The following COL24A1 variants were observed in gnomAD, a reference collection of about 807,000 sequenced individuals.
The protein encoded by COL24A1 is collagen alpha-1(XXIV) chain.
In COL24A1, 224 loss-of-function variants were observed where a neutral mutation model predicts 253.9. The observed-to-expected ratio is 0.88, with a 90% CI of 0.79 to 0.99. The LOEUF (loss-of-function observed/expected upper bound fraction) is 0.99, where lower values mean the gene tolerates loss of function less well. COL24A1 is among the 50% of genes least tolerant of loss of function. COL24A1 has a pLI of 0.00. For synonymous variants in COL24A1, 685 were observed against 673.7 expected (o/e 1.02, Z -0.26); for missense variants, 2,131 against 2,068.5 (o/e 1.03, Z -0.59).
chr1:85,951,413 G>C lies in COL24A1; in HGVS notation c.2562+9836C>G, dbSNP rs1463759038. 2.0e-5 allele frequency among the ~76,000 whole-genome samples: 3 copies of C among 152,140 alleles called. No homozygotes were observed. In the South Asian group the frequency reaches 6.2e-4, roughly 31 times the overall value. On this transcript the variant is annotated intron_variant, in intron 24 of 59. Transcript: ENST00000370571. The stretch of plus-strand genomic sequence containing the variant: ...TTTAAGATGGATCTTGAAAGTTGAT[G>C]CTTGGTGGACAATGAGGGTGGGAAA...
At chr1:86,050,016 T>C in intron 11 of COL24A1, 108 bp downstream of exon 11, 1 of 870,366 alleles carries the variant, frequency 1.1e-6, no homozygotes, top group Non-Finnish European at 1.7e-6. Context: ...TCAACCTGGC[T>C]TGCTAACTCA....
intron 28 of COL24A1, among the ~76,000 whole-genome samples, chr1:85,899,733 G>A (rs1314259175): frequency 6.6e-5 from 10 of 152,136 alleles, no homozygotes; most frequent in Non-Finnish European, 1.2e-4. Flanking sequence ...CTAGATACAC[G>A]TAGAAAAGGC....
intron 52 of COL24A1, 40 bp downstream of exon 52, chr1:85,781,180 A>T: frequency 7.0e-7 from 1 of 1,436,062 alleles, no homozygotes; most frequent in Non-Finnish European, 9.6e-7. Flanking sequence ...GAATTAAAGA[A>T]AAAAAAGAGT....
At chr1:86,076,483 T>C (rs1390762519) in intron 7 of COL24A1, among the ~76,000 whole-genome samples, 1 of 152,202 alleles carries the variant, frequency 6.6e-6, no homozygotes, top group Non-Finnish European at 1.5e-5. Context: ...ATTTATAGAT[T>C]CAATGCTATC....
intron 42 of COL24A1, among the ~76,000 whole-genome samples, chr1:85,839,526 C>A (rs1251722955): frequency 6.6e-6 from 1 of 151,768 alleles, no homozygotes; most frequent in East Asian, 1.9e-4. Context: ...GGGTTTGAGA[C>A]CAGCCTAGGC....
intron 24 of COL24A1, among the ~76,000 whole-genome samples, chr1:85,956,296 T>C (rs190965929): frequency 2.3e-4 from 35 of 152,354 alleles, no homozygotes; most frequent in Middle Eastern, 3.4e-3. Context: ...CACCTCTTTT[T>C]GCTTCTGAAT....
At chr1:85,780,233 CA>C (rs145155436) in intron 52 of COL24A1, among the ~76,000 whole-genome samples, 4,376 of 152,206 alleles carry the variant, frequency 0.029, 207 homozygotes, top group African/African-American at 0.1. Context: ...CTAAATTTAT[CA>C]AAGAGAATAG....
chr1:85,868,810 T>C lies in COL24A1; in HGVS notation c.3164A>G (p.Glu1055Gly). ...LRGEPGAPGE[E>G]GLQGKDGLKG... ...TAACCCATCTTTTCCCTGGAGACCT[T>C]CTTCTCCAGGAGCTCCTGGTTCACC... is the stretch of plus-strand genomic sequence containing the variant. The change falls in exon 36 of 60, where the codon GAA becomes GGA. Residue 1055 changes from glutamate (E) to glycine (G), a missense_variant. Coordinates refer to ENST00000370571, the MANE Select transcript of COL24A1 (RefSeq NM_152890.7). 6.3e-7 allele frequency: 1 copy of C among 1,590,598 alleles called. No individual in the cohort carries two copies. Among genetic ancestry groups the C allele is most frequent in the Non-Finnish European group, 8.5e-7 (1 of 1,169,598 alleles).
At chr1:85,848,331 A>G (rs1197509573) in intron 38 of COL24A1, among the ~76,000 whole-genome samples, 1 of 151,746 alleles carries the variant, frequency 6.6e-6, no homozygotes, top group East Asian at 1.9e-4. Flanking sequence ...TTTTTTTGAG[A>G]CCAAGTCTCA....
chr1:85,732,031 G>A (rs1390135992), intron 59 of COL24A1, among the ~76,000 whole-genome samples: 2 of 152,102 alleles, frequency 1.3e-5, no homozygotes, highest in East Asian at 1.9e-4. Context: ...TTAGCATGGC[G>A]TTTAAATTCA....
At chr1:86,046,750 C>T (rs41309161) in intron 12 of COL24A1, 75 bp downstream of exon 12, 39,397 of 1,546,854 alleles carry the variant, frequency 0.025, 1,031 homozygotes, top group African/African-American at 0.13. Context: ...AGTATCTTCA[C>T]ATTTTAATAA....
Position 85,838,565 on chromosome 1 carries a change from G to A in COL24A1, c.3681+20C>T, listed in dbSNP as rs1676265898. 6.2e-7 allele frequency: 1 copy of A among 1,607,630 alleles called. No homozygotes were observed. ...GAACCCTATTTAAATTCATTAGTAA[G>A]GGGTATAACTTGCAATTACCTTATA... is the stretch of plus-strand genomic sequence containing the variant. On this transcript the variant is annotated intron_variant, in intron 43 of 59. Coordinates refer to ENST00000370571, the MANE Select transcript of COL24A1 (RefSeq NM_152890.7).
chr1:86,051,736 CTCTA>C (rs1700320597), intron 10 of COL24A1, among the ~76,000 whole-genome samples: 1 of 151,984 alleles, frequency 6.6e-6, no homozygotes, highest in South Asian at 2.1e-4. Flanking sequence ...TCACATAGGT[CTCTA>C]TCTGTCTATA....
At chr1:86,117,239 A>G (rs1706237189) in intron 3 of COL24A1, among the ~76,000 whole-genome samples, 1 of 152,206 alleles carries the variant, frequency 6.6e-6, no homozygotes, top group Non-Finnish European at 1.5e-5. Context: ...ATCCTAAACA[A>G]AGTGATGGTA....
At chr1:85,782,010 T>C (rs891157160) in intron 51 of COL24A1, among the ~76,000 whole-genome samples, 2 of 152,244 alleles carry the variant, frequency 1.3e-5, no homozygotes, top group African/African-American at 4.8e-5. Flanking sequence ...AATATATTTA[T>C]AGCTGAAGAA....
chr1:86,136,992 C>CA (rs11423442), intron 2 of COL24A1, among the ~76,000 whole-genome samples: 126,634 of 151,596 alleles, frequency 0.84, 53,107 homozygotes, highest in Non-Finnish European at 0.85. Context: ...GAACTGCAGA[C>CA]AAAAAAAATG....
intron 14 of COL24A1, chr1:86,030,118 G>A (rs144849263): frequency 9.2e-5 from 14 of 151,852 alleles, no homozygotes; most frequent in South Asian, 2.1e-4. Context: ...AAAACAAAAC[G>A]CAACCCTCTC....
rs1684923851 is a variant in COL24A1 at position 85,907,193 on chromosome 1, C to T, written c.2778+1G>A. The stretch of plus-strand genomic sequence containing the variant: ...TGTACTTTTTTCCTTAGATTACTTA[C>T]TCTTTGTCCTTTAGGACCTTGACTC... On this transcript the variant is annotated splice_donor_variant, in intron 28 of 59. Coordinates refer to ENST00000370571, the MANE Select transcript of COL24A1 (RefSeq NM_152890.7). LOFTEE classifies it high-confidence loss of function. The T allele has an allele frequency of 1.2e-6, 2 of 1,610,336 alleles. No individual in the cohort carries two copies. The highest frequency in any genetic ancestry group is 1.7e-5 in the Admixed American group (1 of 59,808).
intron 2 of COL24A1, among the ~76,000 whole-genome samples, chr1:86,132,582 G>T (rs1172905107): frequency 6.6e-6 from 1 of 152,002 alleles, no homozygotes; most frequent in African/African-American, 2.4e-5. Context: ...CTTTCTACAT[G>T]TGGCTAGCCA....
Sources: gnomAD v4.1 joint callset for allele counts (sites outside exome capture counted in the v4.1 genomes callset) on GRCh38, gnomAD v4.1.1 for gene constraint, MANE v1.5 for transcripts, NCBI Gene and HGNC (gene_info 2026-07-23, HGNC 2026-07-21) for gene names.